The following CYP4F12 variants were observed in gnomAD, a reference collection of about 807,000 sequenced individuals.
The protein encoded by CYP4F12 is cytochrome P450 family 4 subfamily F member 12.
Under a neutral mutation model 56.5 loss-of-function variants are expected in CYP4F12, and 60 were observed. That is an observed-to-expected ratio of 1.06 (90% CI 0.86 to 1.32). The LOEUF is 1.32. Among genes scored for constraint, CYP4F12 ranks in the 40% most tolerant of loss-of-function variants. The pLI, the probability that CYP4F12 is intolerant of heterozygous loss-of-function variation, is 0.00. For missense variants in CYP4F12, 711 were observed against 683.5 expected (o/e 1.04, Z -0.45); for synonymous variants, 263 against 264.9 (o/e 0.99, Z 0.07).
chr19:15,688,383 C>T (rs543091830), intron 9 of CYP4F12, among the ~76,000 whole-genome samples: 2 of 151,622 alleles, frequency 1.3e-5, no homozygotes, highest in South Asian at 2.1e-4. Context: ...AAAAAAAATA[C>T]CTAGGAATAT....
intron 12 of CYP4F12, 54 bp from the exon 13 acceptor site, chr19:15,696,854 T>C: frequency 6.4e-7 from 1 of 1,557,000 alleles, no homozygotes; most frequent in Non-Finnish European, 8.7e-7. Flanking sequence ...CCTGGGTTGA[T>C]GGGACCCAAA....
intron 9 of CYP4F12, among the ~76,000 whole-genome samples, chr19:15,693,284 A>G (rs2007961482): frequency 6.6e-6 from 1 of 152,236 alleles, no homozygotes; most frequent in African/African-American, 2.4e-5. Context: ...TGTAGACGGT[A>G]TGAAAATTTT....
At chr19:15,674,838 C>G (rs1355802749) in intron 2 of CYP4F12, among the ~76,000 whole-genome samples, 1 of 152,222 alleles carries the variant, frequency 6.6e-6, no homozygotes, top group African/African-American at 2.4e-5. Flanking sequence ...TACCGTAGTG[C>G]CCCTCCCAGA....
chr19:15,684,962 T>C (rs1317832669), intron 8 of CYP4F12, 80 bp downstream of exon 8: 53 of 1,567,006 alleles, frequency 3.4e-5, no homozygotes, highest in Non-Finnish European at 3.4e-5. Flanking sequence ...CCTGGATCAC[T>C]CCATTCTGCC....
intron 1 of CYP4F12, 54 bp from the exon 2 acceptor site, chr19:15,673,475 C>T (rs56205003): frequency 0.93 from 1,478,412 of 1,588,374 alleles, 688,512 homozygotes; most frequent in East Asian, 1. Context: ...ACACTGTCCC[C>T]GGAGCTCTTC....
chr19:15,681,537 G>A (rs1288595023), intron 5 of CYP4F12: 3 of 152,196 alleles, frequency 2.0e-5, no homozygotes, highest in Non-Finnish European at 4.4e-5. Flanking sequence ...AATTCCATGG[G>A]GGTGACACTG....
At chr19:15,684,571 C>A in intron 7 of CYP4F12, 1 of 440,398 alleles carries the variant, frequency 2.3e-6, no homozygotes, top group South Asian at 5.9e-5. Flanking sequence ...TATTCGAGAA[C>A]CATTGATTCC....
chr19:15,682,764 T>C (rs1312817753), intron 6 of CYP4F12, among the ~76,000 whole-genome samples: 1 of 152,148 alleles, frequency 6.6e-6, no homozygotes, highest in African/African-American at 2.4e-5. Context: ...GGGCTAGATA[T>C]TAAGGGCACT....
intron 2 of CYP4F12, among the ~76,000 whole-genome samples, chr19:15,678,042 A>C (rs1237230553): frequency 3.2e-5 from 4 of 124,918 alleles, no homozygotes; most frequent in African/African-American, 6.1e-5. Context: ...ACACTCACTC[A>C]TTCCTCTCCT....
chr19:15,688,497 G>C (rs1308643972), intron 9 of CYP4F12, among the ~76,000 whole-genome samples: 1 of 152,182 alleles, frequency 6.6e-6, no homozygotes, highest in Non-Finnish European at 1.5e-5. Context: ...CATGTTCATG[G>C]ATTGGAAGAA....
At chr19:15,680,627 T>C (rs1441741189) in intron 5 of CYP4F12, 108 bp downstream of exon 5, 1 of 1,405,094 alleles carries the variant, frequency 7.1e-7, no homozygotes, top group East Asian at 2.3e-5. Context: ...GCCATTGCTC[T>C]TCCTCTCTGA....
chr19:15,676,030 G>A (rs1461544454), intron 2 of CYP4F12, among the ~76,000 whole-genome samples: 1 of 152,158 alleles, frequency 6.6e-6, no homozygotes. Flanking sequence ...TTCAGCCTGA[G>A]TCCAGAAAGG....
intron 9 of CYP4F12, among the ~76,000 whole-genome samples, chr19:15,687,874 T>C (rs1327566388): frequency 6.6e-6 from 1 of 152,178 alleles, no homozygotes; most frequent in Non-Finnish European, 1.5e-5. Context: ...ACAGGGGACC[T>C]TGGGGAAGTC....
chr19:15,693,509 C>T (rs950659910), intron 9 of CYP4F12, among the ~76,000 whole-genome samples: 1 of 146,540 alleles, frequency 6.8e-6, no homozygotes, highest in Non-Finnish European at 1.5e-5. Context: ...AGTGTCTGTT[C>T]ATGTCCTTCG....
chr19:15,692,388 AT>A (rs548072341), intron 9 of CYP4F12, among the ~76,000 whole-genome samples: 217 of 152,286 alleles, frequency 1.4e-3, no homozygotes, highest in African/African-American at 4.9e-3. Context: ...TAATCCAGGT[AT>A]TTTATATTAT....
intron 9 of CYP4F12, among the ~76,000 whole-genome samples, chr19:15,686,082 A>G (rs1352454783): frequency 1.3e-5 from 2 of 152,204 alleles, no homozygotes; most frequent in East Asian, 1.9e-4. Flanking sequence ...GTCCCCCACA[A>G]GACATTCCCA....
intron 9 of CYP4F12, 108 bp downstream of exon 9, chr19:15,685,305 G>A: frequency 6.7e-7 from 1 of 1,498,788 alleles, no homozygotes; most frequent in Non-Finnish European, 9.0e-7. Context: ...ATTGCTTAGT[G>A]GGTATAAAAG....
In CYP4F12 at chr19:15,683,690, G is replaced by A. The variant is rs540943953; in HGVS notation, c.845G>A (p.Gly282Asp). 22 of 1,608,254 alleles carry A rather than the reference G, an allele frequency of 1.4e-5. No homozygotes were observed. Among genetic ancestry groups the A allele is most frequent in the Non-Finnish European group, 1.8e-5 (21 of 1,177,838 alleles). ...CGGCGTCGCACCCTCCCCACTCAGGGTATTGATGATTTTTTCAAAGACAAA... is the reference window on the plus strand; with the variant it reads ...CGGCGTCGCACCCTCCCCACTCAGGATATTGATGATTTTTTCAAAGACAAA... ...RERRRTLPTQGIDDFFKDKAK... is the reference protein window; with the variant it reads ...RERRRTLPTQDIDDFFKDKAK... Residue 282 changes from glycine (G) to aspartate (D), a missense_variant, in exon 7 of 13, where the codon GGT becomes GAT. By Grantham distance (94) the Gly-to-Asp change is moderately conservative. Transcript: ENST00000550308.
chr19:15,696,089 G>A lies in CYP4F12; in HGVS notation c.1249+20G>A, dbSNP rs1157795847. 6.2e-7 allele frequency: 1 copy of A among 1,611,444 alleles called. No individual in the cohort carries two copies. Among genetic ancestry groups the A allele is most frequent in the Non-Finnish European group, 8.5e-7 (1 of 1,178,464 alleles). ...CCAAAGGTGCCCACAGCCTCAGGGG[G>A]AGAAGCCTCCCGGGTAGGAAGATGG... On this transcript the variant is annotated intron_variant, in intron 10 of 12. Transcript: ENST00000550308.
Sources: allele counts gnomAD v4.1 joint callset (sites outside exome capture counted in the v4.1 genomes callset), GRCh38; gene constraint gnomAD v4.1.1; transcripts MANE v1.5; gene names NCBI Gene and HGNC (gene_info 2026-07-23, HGNC 2026-07-21).